Variants in CAMK2D observed in about 807,000 individuals in gnomAD.
CAMK2D encodes calcium/calmodulin dependent protein kinase II delta.
A neutral mutation model predicts 84.0 loss-of-function variants in CAMK2D; 37 were observed. That is an observed-to-expected ratio of 0.44 (90% CI 0.34 to 0.58). The LOEUF (loss-of-function observed/expected upper bound fraction) is 0.58. Among genes scored for constraint, CAMK2D ranks in the 20% least tolerant of loss-of-function variants. CAMK2D has a pLI of 0.02. For missense variants in CAMK2D, 448 were observed against 652.5 expected (o/e 0.69, Z 3.41); for synonymous variants, 202 against 212.5 (o/e 0.95, Z 0.43).
chr4:113,583,138 A>T (rs1308004252), intron 4 of CAMK2D, among the ~76,000 whole-genome samples: 1 of 150,288 alleles, frequency 6.7e-6, no homozygotes, highest in Admixed American at 6.6e-5. Context: ...TGTTGCCCTC[A>T]GTCTCCACCC....
chr4:113,581,045 T>A (rs1004584136), intron 4 of CAMK2D, among the ~76,000 whole-genome samples: 1 of 152,068 alleles, frequency 6.6e-6, no homozygotes, highest in East Asian at 1.9e-4. Context: ...AACTTGCACA[T>A]CCTGCACATG....
At chr4:113,480,539 C>T (rs999619337) in intron 16 of CAMK2D, among the ~76,000 whole-genome samples, 1 of 151,958 alleles carries the variant, frequency 6.6e-6, no homozygotes, top group African/African-American at 2.4e-5. Flanking sequence ...GGGACTAGTG[C>T]CCTTATAAAA....
intron 2 of CAMK2D, among the ~76,000 whole-genome samples, chr4:113,727,728 C>T (rs1466384494): frequency 2.0e-5 from 3 of 152,076 alleles, no homozygotes; most frequent in Non-Finnish European, 4.4e-5. Flanking sequence ...AACGAATAGG[C>T]AAACCACAGT....
chr4:113,712,049 A>G (rs1456657236), intron 2 of CAMK2D, among the ~76,000 whole-genome samples: 1 of 152,136 alleles, frequency 6.6e-6, no homozygotes, highest in Non-Finnish European at 1.5e-5. Context: ...AACAAGCCTT[A>G]AACTTCCACT....
intron 16 of CAMK2D, among the ~76,000 whole-genome samples, chr4:113,485,076 A>G (rs1442756844): frequency 4.6e-5 from 7 of 152,212 alleles, no homozygotes; most frequent in Non-Finnish European, 1.0e-4. Context: ...TAAAGCACTT[A>G]GTGGTTATAT....
intron 3 of CAMK2D, among the ~76,000 whole-genome samples, chr4:113,611,724 G>A (rs28564282): frequency 0.046 from 5,490 of 119,588 alleles, 323 homozygotes; most frequent in African/African-American, 0.13. Flanking sequence ...TTTTGAACAA[G>A]TCAGGAGTTA....
At chr4:113,583,728 G>T (rs1001462480) in intron 4 of CAMK2D, among the ~76,000 whole-genome samples, 9 of 152,104 alleles carry the variant, frequency 5.9e-5, no homozygotes, top group Admixed American at 5.2e-4. Flanking sequence ...AAAGACAAGG[G>T]TACAGATAGA....
chr4:113,654,860 T>C (rs1406583207), intron 3 of CAMK2D, among the ~76,000 whole-genome samples: 2 of 151,748 alleles, frequency 1.3e-5, no homozygotes, highest in Admixed American at 6.6e-5. Context: ...ATACATATCA[T>C]ATATTATATA....
At chr4:113,598,747 G>A (rs2098938617) in intron 4 of CAMK2D, among the ~76,000 whole-genome samples, 1 of 152,128 alleles carries the variant, frequency 6.6e-6, no homozygotes, top group African/African-American at 2.4e-5. Flanking sequence ...ATGGCTTGCA[G>A]TATCTTGGCT....
At chr4:113,545,739 A>G (rs376883829) in intron 6 of CAMK2D, among the ~76,000 whole-genome samples, 27 of 152,216 alleles carry the variant, frequency 1.8e-4, no homozygotes, top group African/African-American at 6.0e-4. Context: ...GACACAAACT[A>G]AGACAACAAC....
At chr4:113,489,400 T>C (rs1186300747) in intron 16 of CAMK2D, among the ~76,000 whole-genome samples, 2 of 151,300 alleles carry the variant, frequency 1.3e-5, no homozygotes, top group African/African-American at 4.9e-5. Context: ...TTTGGTTTTT[T>C]TGTTCTTGCG....
At chr4:113,615,672 C>T (rs918614319) in intron 3 of CAMK2D, among the ~76,000 whole-genome samples, 1 of 152,102 alleles carries the variant, frequency 6.6e-6, no homozygotes, top group Non-Finnish European at 1.5e-5. Context: ...AAAATATATG[C>T]TGTTTTTTTG....
intron 2 of CAMK2D, among the ~76,000 whole-genome samples, chr4:113,672,146 C>T (rs2099290311): frequency 6.6e-6 from 1 of 152,104 alleles, no homozygotes; most frequent in African/African-American, 2.4e-5. Flanking sequence ...TAACTTTCTT[C>T]TTTAAGTGAA....
intron 8 of CAMK2D, among the ~76,000 whole-genome samples, chr4:113,530,773 C>G (rs181688532): frequency 7.0e-4 from 106 of 152,298 alleles, no homozygotes; most frequent in Non-Finnish European, 1.2e-3. Context: ...AATTTCCCAG[C>G]CTTCACAACT....
intron 3 of CAMK2D, among the ~76,000 whole-genome samples, chr4:113,639,694 G>A (rs1176045271): frequency 1.3e-5 from 2 of 152,080 alleles, no homozygotes; most frequent in African/African-American, 2.4e-5. Flanking sequence ...CCCACCAAGA[G>A]AATGTAAGTG....
chr4:113,633,640 C>A (rs1011437524), intron 3 of CAMK2D, among the ~76,000 whole-genome samples: 11 of 152,130 alleles, frequency 7.2e-5, no homozygotes, highest in Non-Finnish European at 2.9e-5. Context: ...ATAAAATAAT[C>A]CCAGGCCTCC....
intron 14 of CAMK2D, chr4:113,503,308 G>A: frequency 1.8e-6 from 1 of 564,994 alleles, no homozygotes; most frequent in South Asian, 1.4e-5. Context: ...TTTAATGAGT[G>A]GCCTGTGAAC....
At chr4:113,719,017 A>T (rs918016677) in intron 2 of CAMK2D, among the ~76,000 whole-genome samples, 1 of 152,204 alleles carries the variant, frequency 6.6e-6, no homozygotes, top group Non-Finnish European at 1.5e-5. Flanking sequence ...ATATGCTAAC[A>T]TCTATGCTCA....
chr4:113,701,234 G>A (rs1190002463), intron 2 of CAMK2D, among the ~76,000 whole-genome samples: 5 of 152,268 alleles, frequency 3.3e-5, no homozygotes, highest in Non-Finnish European at 7.4e-5. Flanking sequence ...CGTAGACACT[G>A]TGGGCTATTC....
Sources: gnomAD v4.1 joint callset for allele counts (sites outside exome capture counted in the v4.1 genomes callset) on GRCh38, gnomAD v4.1.1 for gene constraint, MANE v1.5 for transcripts, NCBI Gene and HGNC (gene_info 2026-07-23, HGNC 2026-07-21) for gene names.